The following FMN2 variants were observed in gnomAD, a reference collection of about 807,000 sequenced individuals.
FMN2 encodes the protein formin-2.
A neutral mutation model predicts 142.3 loss-of-function variants in FMN2; 51 were observed. The observed-to-expected ratio is 0.36, with a 90% CI of 0.29 to 0.45. The LOEUF (loss-of-function observed/expected upper bound fraction) is 0.45. Among genes scored for constraint, FMN2 ranks in the 20% least tolerant of loss-of-function variants. The probability of loss-of-function intolerance (pLI) is 1.00; values close to 1 mark genes in which losing one functional copy is unlikely to be tolerated. For missense variants in FMN2, 1,936 were observed against 2,122.8 expected, an observed-to-expected ratio of 0.91 and a Z score of 1.73; for synonymous variants, 882 against 869.8, an observed-to-expected ratio of 1.01 and a Z score of -0.25.
At chr1:240,236,055 G>C (rs919430910) in intron 6 of FMN2, among the ~76,000 whole-genome samples, 2 of 152,144 alleles carry the variant, frequency 1.3e-5, no homozygotes, top group African/African-American at 2.4e-5. Flanking sequence ...TACCCGTTTG[G>C]AGATAGACAC....
chr1:240,438,796 G>C (rs1675497736), intron 16 of FMN2, among the ~76,000 whole-genome samples: 1 of 152,182 alleles, frequency 6.6e-6, no homozygotes, highest in African/African-American at 2.4e-5. Context: ...TTCCATAGAG[G>C]CATATTACAT....
chr1:240,095,700 G>A (rs1345365198), intron 1 of FMN2, among the ~76,000 whole-genome samples: 1 of 152,016 alleles, frequency 6.6e-6, no homozygotes, highest in Non-Finnish European at 1.5e-5. Flanking sequence ...AGTCCTGGAA[G>A]ATCACAAGAC....
intron 14 of FMN2, among the ~76,000 whole-genome samples, chr1:240,382,033 A>C (rs11487737): frequency 0.024 from 3,594 of 152,314 alleles, 132 homozygotes; most frequent in African/African-American, 0.083. Flanking sequence ...AAGTCAGATT[A>C]TCTCTCCTCA....
intron 6 of FMN2, among the ~76,000 whole-genome samples, chr1:240,228,303 CAAA>C (rs577421634): frequency 2.9e-4 from 14 of 47,744 alleles, no homozygotes; most frequent in East Asian, 2.5e-3. Context: ...AACTCTGTCT[CAAA>C]AAAAAAAAAA....
At chr1:240,357,183 A>AT (rs1295332450) in intron 14 of FMN2, among the ~76,000 whole-genome samples, 1 of 152,202 alleles carries the variant, frequency 6.6e-6, no homozygotes, top group African/African-American at 2.4e-5. Context: ...TAGAATATTC[A>AT]TTTTTGTCTT....
chr1:240,187,701 G>T (rs1665539338), intron 3 of FMN2, among the ~76,000 whole-genome samples: 1 of 152,114 alleles, frequency 6.6e-6, no homozygotes, highest in Non-Finnish European at 1.5e-5. Context: ...ATGACATGAG[G>T]ACTAAAAGAG....
chr1:240,292,511 T>C (rs1403352511), intron 7 of FMN2, among the ~76,000 whole-genome samples: 1 of 152,182 alleles, frequency 6.6e-6, no homozygotes, highest in East Asian at 1.9e-4. Flanking sequence ...ACTTCTAGTA[T>C]ACTAGTGTAA....
chr1:240,205,941 G>A (rs1195308435), intron 4 of FMN2, among the ~76,000 whole-genome samples: 1 of 148,536 alleles, frequency 6.7e-6, no homozygotes, highest in Non-Finnish European at 1.5e-5. Context: ...TGTTTCCCAG[G>A]CGGGAGTGCA....
intron 2 of FMN2, among the ~76,000 whole-genome samples, chr1:240,152,067 G>C (rs188740783): frequency 6.6e-6 from 1 of 151,980 alleles, no homozygotes. Flanking sequence ...CACCATGCCC[G>C]GCCTCCAATG....
intron 2 of FMN2, among the ~76,000 whole-genome samples, chr1:240,146,566 T>G (rs1023812013): frequency 6.6e-6 from 1 of 151,784 alleles, no homozygotes; most frequent in Non-Finnish European, 1.5e-5. Flanking sequence ...TAGCCGGGCG[T>G]GGTGGCATGC....
At chr1:240,256,541 C>A (rs1388364586) in intron 6 of FMN2, among the ~76,000 whole-genome samples, 1 of 149,946 alleles carries the variant, frequency 6.7e-6, no homozygotes, top group African/African-American at 2.5e-5. Flanking sequence ...GAGTTCGAGA[C>A]CTTCCTGGCC....
rs554166124 is a variant in FMN2 at position 240,216,905 on chromosome 1, C to G, written c.4065+5670C>G. 2.0e-5 allele frequency among the ~76,000 whole-genome samples: 3 copies of G among 151,652 alleles called. No homozygotes were observed. The East Asian group carries it at 5.9e-4, about 30-fold the overall frequency. On this transcript the variant is annotated intron_variant, in intron 6 of 17. Transcript: ENST00000319653. ...CGGAGGTTGCAGTGAGCCGAGATCG[C>G]GCCACTACACTCCAGCCTGGGCAAC...
At chr1:240,338,226 C>A (rs10926224) in intron 13 of FMN2, among the ~76,000 whole-genome samples, 1 of 151,944 alleles carries the variant, frequency 6.6e-6, no homozygotes, top group Non-Finnish European at 1.5e-5. Flanking sequence ...TAAAATTCAT[C>A]AACTATACCT....
chr1:240,217,853 T>C (rs1666962340), intron 6 of FMN2, among the ~76,000 whole-genome samples: 1 of 152,032 alleles, frequency 6.6e-6, no homozygotes, highest in African/African-American at 2.4e-5. Flanking sequence ...GGAAATGTAA[T>C]GAAGCTAATT....
At chr1:240,432,536 T>C (rs74460794) in intron 15 of FMN2, among the ~76,000 whole-genome samples, 5,157 of 152,044 alleles carry the variant, frequency 0.034, 270 homozygotes, top group African/African-American at 0.12. Context: ...TTCTACTAAG[T>C]TGGGTTTAAT....
intron 7 of FMN2, among the ~76,000 whole-genome samples, chr1:240,260,238 A>G (rs375538380): frequency 1.3e-5 from 2 of 152,168 alleles, no homozygotes; most frequent in South Asian, 4.1e-4. Flanking sequence ...TTTTTCGTAC[A>G]ATGGCTTCTT....
chr1:240,257,509 T>A (rs757240172), intron 6 of FMN2, among the ~76,000 whole-genome samples: 1 of 152,224 alleles, frequency 6.6e-6, no homozygotes, highest in African/African-American at 2.4e-5. Context: ...GTGTGTACTT[T>A]TATTTTGCGC....
At chr1:240,440,637 T>C (rs2103185647) in intron 16 of FMN2, among the ~76,000 whole-genome samples, 1 of 152,250 alleles carries the variant, frequency 6.6e-6, no homozygotes, top group South Asian at 2.1e-4. Context: ...GACTTCTCAG[T>C]TTTCTAAATC....
chr1:240,178,099 T>C (rs745986142), intron 3 of FMN2, 31 bp downstream of exon 3: 1 of 1,538,770 alleles, frequency 6.5e-7, no homozygotes, highest in South Asian at 1.3e-5. Context: ...CAGAGATAAC[T>C]GGAAGAGGCA....
Sources: gnomAD v4.1 joint callset for allele counts (sites outside exome capture counted in the v4.1 genomes callset) on GRCh38, gnomAD v4.1.1 for gene constraint, MANE v1.5 for transcripts, NCBI Gene and HGNC (gene_info 2026-07-23, HGNC 2026-07-21) for gene names.